The following PDSS2 variants were observed in gnomAD, a reference collection of about 807,000 sequenced individuals.
PDSS2 encodes decaprenyl diphosphate synthase subunit 2.
PDSS2 carries 31 observed loss-of-function variants against 44.5 expected under a neutral mutation model. The ratio of observed to expected loss-of-function variants is 0.70; its 90% confidence interval spans 0.52 to 0.94. PDSS2 has a LOEUF of 0.94. Among genes scored for constraint, PDSS2 ranks in the 40% least tolerant of loss-of-function variants. PDSS2 has a pLI of 0.00. For missense variants in PDSS2, 452 were observed against 482.2 expected, an observed-to-expected ratio of 0.94 and a Z score of 0.59; for synonymous variants, 157 against 180.3, an observed-to-expected ratio of 0.87 and a Z score of 1.03.
At chr6:107,166,713 T>C (rs547071594) in intron 7 of PDSS2, among the ~76,000 whole-genome samples, 23 of 152,312 alleles carry the variant, frequency 1.5e-4, no homozygotes, top group African/African-American at 5.1e-4. Context: ...TCAAAGGCCT[T>C]TTCTGCATCT....
rs977760172 is a variant in PDSS2 at position 107,401,880 on chromosome 6, C to T, written c.296+57110G>A. Among the ~76,000 whole-genome samples, 7 of 152,228 alleles carry T rather than the reference C, an allele frequency of 4.6e-5. No homozygotes were observed. The South Asian group carries it at 1.2e-3, about 27-fold the overall frequency. ...GAATGAACAGCTGAGCACAGTGGCTCATGCCTGTAATTCAAGCACTTTGGG... is the reference window on the plus strand; with the variant it reads ...GAATGAACAGCTGAGCACAGTGGCTTATGCCTGTAATTCAAGCACTTTGGG... On this transcript the variant is annotated intron_variant, in intron 1 of 7. Transcript: ENST00000369037.
At chr6:107,180,131 T>C (rs1463324581) in intron 7 of PDSS2, among the ~76,000 whole-genome samples, 1 of 152,194 alleles carries the variant, frequency 6.6e-6, no homozygotes, top group Non-Finnish European at 1.5e-5. Flanking sequence ...TCAGATCCAC[T>C]TTAAAACAGT....
intron 4 of PDSS2, among the ~76,000 whole-genome samples, chr6:107,214,123 A>G (rs1056041448): frequency 7.3e-6 from 1 of 136,928 alleles, no homozygotes; most frequent in African/African-American, 2.9e-5. Flanking sequence ...TTTTTTTTTG[A>G]GATGGAGTCT....
chr6:107,220,270 C>T (rs543066117), intron 4 of PDSS2, among the ~76,000 whole-genome samples: 3 of 152,062 alleles, frequency 2.0e-5, no homozygotes, highest in South Asian at 2.1e-4. Flanking sequence ...AGCTAATGAG[C>T]ATAATATTTT....
chr6:107,289,512 C>T (rs1562438582), intron 2 of PDSS2, among the ~76,000 whole-genome samples: 1 of 151,916 alleles, frequency 6.6e-6, no homozygotes, highest in East Asian at 1.9e-4. Context: ...CCAGCCTGGG[C>T]AACACGGCGA....
At chr6:107,197,700 G>C (rs1391137140) in intron 6 of PDSS2, 4 of 383,938 alleles carry the variant, frequency 1.0e-5, no homozygotes, top group Non-Finnish European at 2.2e-5. Flanking sequence ...GGGAGTCCTA[G>C]AGAATTGTTC....
chr6:107,298,169 C>T lies in PDSS2; in HGVS notation c.432-23942G>A, dbSNP rs112599753. 7.0e-3 allele frequency among the ~76,000 whole-genome samples: 1,067 copies of T among 152,210 alleles called. 9 individuals are homozygous for T. Among genetic ancestry groups the T allele is most frequent in the Middle Eastern group, 0.014 (4 of 294 alleles). On this transcript the variant is annotated intron_variant, in intron 2 of 7. Transcript: ENST00000369037. ...AGCACACTACAAATTATATGAATCC[C>T]CTATTGAGAAGAAGTAGCAGAAAGT...
At chr6:107,310,099 C>T (rs1776986631) in intron 2 of PDSS2, among the ~76,000 whole-genome samples, 3 of 151,896 alleles carry the variant, frequency 2.0e-5, no homozygotes, top group Non-Finnish European at 4.4e-5. Context: ...TCCTGGCTAA[C>T]ACGGTGAAAC....
chr6:107,225,153 ATATATATATTTTTTTTTTTTTT>A (rs1773760373), intron 4 of PDSS2, among the ~76,000 whole-genome samples: 3 of 55,116 alleles, frequency 5.4e-5, no homozygotes, highest in Non-Finnish European at 8.8e-5. Flanking sequence ...ATATATATAT[ATATATATATTTTTTTTTTTTTT>A]TTTTTTTTTT....
intron 1 of PDSS2, among the ~76,000 whole-genome samples, chr6:107,451,551 G>A (rs944009075): frequency 6.6e-6 from 1 of 152,132 alleles, no homozygotes; most frequent in Admixed American, 6.6e-5. Flanking sequence ...AGACTTGTTG[G>A]TTCCTTGCTT....
chr6:107,345,430 C>T (rs1265173675), intron 1 of PDSS2, among the ~76,000 whole-genome samples: 1 of 150,994 alleles, frequency 6.6e-6, no homozygotes, highest in Non-Finnish European at 1.5e-5. Context: ...AATGGAATCA[C>T]ATCAATTGTG....
chr6:107,410,264 G>C (rs1220507592), intron 1 of PDSS2, among the ~76,000 whole-genome samples: 2 of 152,100 alleles, frequency 1.3e-5, no homozygotes, highest in Non-Finnish European at 2.9e-5. Context: ...CGTAAAAGAA[G>C]AAGGTACTGT....
chr6:107,288,378 G>T (rs1776225317), intron 2 of PDSS2, among the ~76,000 whole-genome samples: 1 of 152,138 alleles, frequency 6.6e-6, no homozygotes, highest in Admixed American at 6.6e-5. Flanking sequence ...TCAGTGCCTG[G>T]TAGGCCCTCA....
At chr6:107,346,066 G>A (rs775861571) in intron 1 of PDSS2, among the ~76,000 whole-genome samples, 1 of 152,204 alleles carries the variant, frequency 6.6e-6, no homozygotes, top group African/African-American at 2.4e-5. Flanking sequence ...TATAATAGTC[G>A]CATCTCTCAA....
intron 7 of PDSS2, among the ~76,000 whole-genome samples, chr6:107,165,717 T>C (rs1392134450): frequency 6.6e-6 from 1 of 151,976 alleles, no homozygotes; most frequent in Non-Finnish European, 1.5e-5. Flanking sequence ...CATTGGTAGC[T>C]TGATGGGGAT....
intron 2 of PDSS2, among the ~76,000 whole-genome samples, chr6:107,288,907 C>T (rs757313601): frequency 3.5e-4 from 53 of 150,514 alleles, no homozygotes; most frequent in Non-Finnish European, 5.5e-4. Flanking sequence ...TACACGTGTC[C>T]GCCACCAAGC....
chr6:107,231,709 C>T (rs1051800097), intron 4 of PDSS2, among the ~76,000 whole-genome samples: 2 of 152,176 alleles, frequency 1.3e-5, no homozygotes, highest in East Asian at 1.9e-4. Flanking sequence ...CCTGGCTGGG[C>T]GCAGCACTTT....
chr6:107,261,065 A>G lies in PDSS2; in HGVS notation c.630+12964T>C, dbSNP rs1253167585. Among the ~76,000 whole-genome samples, 5 of 152,234 alleles carry G rather than the reference A, an allele frequency of 3.3e-5. No homozygotes were observed. The East Asian group carries it at 9.7e-4, about 29-fold the overall frequency. ...TTCAGTACTCTTCTTTTCCCTTTCT[A>G]ATGGTCTCACCTGAGGAACTTTCTG... On this transcript the variant is annotated intron_variant, in intron 3 of 7. Coordinates refer to ENST00000369037, the MANE Select transcript of PDSS2 (RefSeq NM_020381.4).
chr6:107,173,617 G>GTC (rs1233856196), intron 7 of PDSS2, among the ~76,000 whole-genome samples: 3 of 132,564 alleles, frequency 2.3e-5, no homozygotes, highest in Non-Finnish European at 4.6e-5. Context: ...CAGGAAAGCA[G>GTC]TCTCTAGTGT....
Sources: gnomAD v4.1 joint callset for allele counts (sites outside exome capture counted in the v4.1 genomes callset) on GRCh38, gnomAD v4.1.1 for gene constraint, MANE v1.5 for transcripts, NCBI Gene and HGNC (gene_info 2026-07-23, HGNC 2026-07-21) for gene names.